FAM135B: variants seen among roughly 807,000 people sequenced by gnomAD.
The protein encoded by FAM135B is family with sequence similarity 135 member B, also known as protein FAM135B.
In FAM135B, 43 loss-of-function variants were observed where a neutral mutation model predicts 127.7. That is an observed-to-expected ratio of 0.34 (90% CI 0.26 to 0.43). FAM135B has a LOEUF of 0.43. FAM135B is among the 20% of genes least tolerant of loss of function. The pLI is 1.00. For synonymous variants in FAM135B, 670 were observed against 665.1 expected (o/e 1.01, Z -0.11); for missense variants, 1,558 against 1,725.6 (o/e 0.90, Z 1.72).
intron 13 of FAM135B, 116 bp from the exon 14 acceptor site, chr8:138,148,802 G>A: frequency 4.4e-6 from 3 of 676,532 alleles, no homozygotes; most frequent in Admixed American, 6.4e-5. Context: ...CCTGCTGAGT[G>A]GCAAAGCTGA....
chr8:138,285,134 A>ATTT lies in FAM135B; in HGVS notation c.158-19295_158-19293dup, dbSNP rs386414180. Among the ~76,000 whole-genome samples the ATTT allele has an allele frequency of 4.2e-3, 230 of 54,784 alleles. 17 individuals are homozygous for ATTT. The highest frequency in any genetic ancestry group is 0.016 in the African/African-American group (223 of 14,114). 35.9% of individuals were successfully genotyped at this position (54,784 alleles called of 152,430 possible). A position where few individuals can be genotyped will look rare whatever the true frequency, so the allele number is the denominator to read the frequency against. On this transcript the variant is annotated intron_variant, in intron 3 of 19. Transcript: ENST00000395297. ...TGGAAAACATATATTGGCTCTACTA[A>ATTT]TTTTTTTTTTTTTTTTTTTTTTTTT...
At chr8:138,354,688 T>C (rs1829982418) in intron 2 of FAM135B, among the ~76,000 whole-genome samples, 1 of 152,118 alleles carries the variant, frequency 6.6e-6, no homozygotes, top group African/African-American at 2.4e-5. Context: ...GAGCAAGAGC[T>C]CAAGGTCTCC....
chr8:138,309,524 T>C (rs1262944591), intron 3 of FAM135B, among the ~76,000 whole-genome samples: 3 of 152,196 alleles, frequency 2.0e-5, no homozygotes, highest in African/African-American at 7.2e-5. Context: ...ATCCTATTGC[T>C]CTGAAACCAC....
At chr8:138,261,078 A>G (rs13254666) in intron 4 of FAM135B, among the ~76,000 whole-genome samples, 1 of 151,848 alleles carries the variant, frequency 6.6e-6, no homozygotes, top group Non-Finnish European at 1.5e-5. Flanking sequence ...GTTACTGTGG[A>G]AATCGTGCCC....
At chr8:138,269,768 A>G (rs1563840823) in intron 3 of FAM135B, among the ~76,000 whole-genome samples, 1 of 152,210 alleles carries the variant, frequency 6.6e-6, no homozygotes, top group African/African-American at 2.4e-5. Flanking sequence ...CTTAATTTCC[A>G]TAATGAATGT....
chr8:138,187,886 G>A (rs974854947), intron 9 of FAM135B, among the ~76,000 whole-genome samples: 1 of 152,198 alleles, frequency 6.6e-6, no homozygotes, highest in African/African-American at 2.4e-5. Flanking sequence ...GAGAGGGGCT[G>A]GGGACTGAGC....
intron 3 of FAM135B, among the ~76,000 whole-genome samples, chr8:138,291,739 C>T (rs1030419156): frequency 2.6e-5 from 4 of 152,040 alleles, no homozygotes; most frequent in African/African-American, 9.7e-5. Context: ...ATTCAACATC[C>T]TTTCATGATA....
chr8:138,338,309 A>G (rs1039495893), intron 2 of FAM135B, among the ~76,000 whole-genome samples: 6 of 151,694 alleles, frequency 4.0e-5, no homozygotes, highest in Non-Finnish European at 7.4e-5. Flanking sequence ...AACTACCATC[A>G]GAGTGAACAG....
intron 7 of FAM135B, among the ~76,000 whole-genome samples, chr8:138,202,520 G>C (rs567838533): frequency 1.8e-4 from 28 of 152,244 alleles, no homozygotes; most frequent in African/African-American, 6.5e-4. Context: ...CAAAAGTAGT[G>C]GGATTCCAGG....
rs546793553 is a variant in FAM135B at position 138,338,466 on chromosome 8, T to G, written c.78-27546A>C. Among the ~76,000 whole-genome samples the G allele has an allele frequency of 4.1e-3, 618 of 151,898 alleles. 4 individuals are homozygous for G. Among genetic ancestry groups the G allele is most frequent in the Middle Eastern group, 0.024 (7 of 294 alleles). ...TGGGCAAAGGATATAAACAGACACT[T>G]CTCAAAAGAAGACATTTATGCAGCC... is the stretch of plus-strand genomic sequence containing the variant. On this transcript the variant is annotated intron_variant, in intron 2 of 19. Transcript: ENST00000395297.
chr8:138,462,827 A>C (rs535595206), intron 1 of FAM135B, among the ~76,000 whole-genome samples: 1 of 152,308 alleles, frequency 6.6e-6, no homozygotes, highest in South Asian at 2.1e-4. Context: ...AGAAAATCTG[A>C]AGCTGGGTCC....
intron 1 of FAM135B, chr8:138,440,934 C>T (rs544381113): frequency 1.1e-4 from 16 of 152,166 alleles, no homozygotes; most frequent in Non-Finnish European, 1.8e-4. Flanking sequence ...TTGGAGTGTT[C>T]CTGCCACTAT....
At chr8:138,277,603 C>A (rs1823933641) in intron 3 of FAM135B, among the ~76,000 whole-genome samples, 1 of 152,162 alleles carries the variant, frequency 6.6e-6, no homozygotes, top group African/African-American at 2.4e-5. Context: ...AACAATTGGA[C>A]CAGTCTCAGG....
intron 1 of FAM135B, among the ~76,000 whole-genome samples, chr8:138,480,314 A>G (rs994545808): frequency 2.0e-5 from 3 of 152,258 alleles, no homozygotes; most frequent in Non-Finnish European, 1.5e-5. Context: ...GGAAACCTCA[A>G]AGTTAGTTAT....
chr8:138,450,847 G>A (rs1281662394), intron 1 of FAM135B: 1 of 152,150 alleles, frequency 6.6e-6, no homozygotes, highest in Non-Finnish European at 1.5e-5. Flanking sequence ...GACATTTATT[G>A]AGTGCTGTCT....
intron 1 of FAM135B, among the ~76,000 whole-genome samples, chr8:138,483,208 T>C (rs772372265): frequency 2.0e-5 from 3 of 152,246 alleles, no homozygotes; most frequent in Non-Finnish European, 4.4e-5. Flanking sequence ...TTTCTTCTTG[T>C]GTTTGTTCTT....
intron 3 of FAM135B, among the ~76,000 whole-genome samples, chr8:138,273,830 C>T (rs1823587227): frequency 6.6e-6 from 1 of 152,114 alleles, no homozygotes; most frequent in Non-Finnish European, 1.5e-5. Context: ...GTTGTAGAAC[C>T]CTAGGTCATG....
At chr8:138,451,564 T>C (rs1464211234) in intron 1 of FAM135B, among the ~76,000 whole-genome samples, 1 of 152,170 alleles carries the variant, frequency 6.6e-6, no homozygotes, top group Non-Finnish European at 1.5e-5. Context: ...ATGAACAAGC[T>C]TGAATGGTGA....
Position 138,151,376 on chromosome 8 carries a change from T to G in FAM135B, c.3099A>C (p.Leu1033Phe), listed in dbSNP as rs2130727084. The change falls in exon 13 of 20, where the codon TTA becomes TTC. Residue 1033 changes from leucine to phenylalanine, a missense_variant. Physicochemically the swap from Leu to Phe is conservative, Grantham distance 22 (BLOSUM62 0). Transcript: ENST00000395297. ...GACAGGTGGCAGTGCAAGACACAGATAAGTTCACAACCTCCACAGCCTTCA... is the reference window on the plus strand; with the variant it reads ...GACAGGTGGCAGTGCAAGACACAGAGAAGTTCACAACCTCCACAGCCTTCA... Reference protein sequence around the residue: ...DSLKAVEVVNLSVSCTATCLP... With the variant: ...DSLKAVEVVNFSVSCTATCLP... 1 of 1,613,750 alleles carries G rather than the reference T, an allele frequency of 6.2e-7. No individual in the cohort carries two copies. The highest frequency in any genetic ancestry group is 2.2e-5 in the East Asian group (1 of 44,874).
Sources: gnomAD v4.1 joint callset for allele counts (sites outside exome capture counted in the v4.1 genomes callset) on GRCh38, gnomAD v4.1.1 for gene constraint, MANE v1.5 for transcripts, NCBI Gene and HGNC (gene_info 2026-07-23, HGNC 2026-07-21) for gene names.